The following PDE1C variants were observed in gnomAD, a reference collection of about 807,000 sequenced individuals.
The protein encoded by PDE1C is phosphodiesterase 1C, also known as dual specificity calcium/calmodulin-dependent 3',5'-cyclic nucleotide phosphodiesterase 1C.
Under a neutral mutation model 93.1 loss-of-function variants are expected in PDE1C, and 62 were observed. That is an observed-to-expected ratio of 0.67 (90% CI 0.54 to 0.82). PDE1C has a LOEUF of 0.82. Ranked by LOEUF, PDE1C falls within the 40% of genes least tolerant of loss-of-function variation. The pLI is 0.00. For missense variants in PDE1C, 742 were observed against 884.6 expected, an observed-to-expected ratio of 0.84 and a Z score of 2.04; for synonymous variants, 325 against 310.1, an observed-to-expected ratio of 1.05 and a Z score of -0.50.
At chr7:32,096,951 A>T (rs1797786912) in intron 3 of PDE1C, among the ~76,000 whole-genome samples, 1 of 152,254 alleles carries the variant, frequency 6.6e-6, no homozygotes, top group South Asian at 2.1e-4. Flanking sequence ...AAAATCTGCA[A>T]TGGGCAAACA....
At chr7:32,144,648 A>G (rs1800725579) in intron 3 of PDE1C, among the ~76,000 whole-genome samples, 1 of 152,172 alleles carries the variant, frequency 6.6e-6, no homozygotes, top group Non-Finnish European at 1.5e-5. Context: ...ATGTCCCTAT[A>G]CCTGCTGTGG....
intron 1 of PDE1C, among the ~76,000 whole-genome samples, chr7:32,287,672 G>A (rs1021265045): frequency 2.0e-5 from 3 of 152,220 alleles, no homozygotes; most frequent in African/African-American, 7.2e-5. Context: ...GCAAAGTACG[G>A]GTCCAGAGAA....
At chr7:32,382,529 G>A (rs573873046) in intron 1 of PDE1C, among the ~76,000 whole-genome samples, 5 of 152,188 alleles carry the variant, frequency 3.3e-5, no homozygotes, top group African/African-American at 1.2e-4. Flanking sequence ...TCTTGGCAGA[G>A]CCTGTTCCTG....
chr7:31,642,850 G>T, the PDE1C span: 1 of 1,614,034 alleles, frequency 6.2e-7, no homozygotes, highest in Non-Finnish European at 8.5e-7. Context: ...GAATGCCTTG[G>T]AACAAAGGGC....
At chr7:31,762,412 G>T (rs766318908) in intron 17 of PDE1C, among the ~76,000 whole-genome samples, 3 of 151,946 alleles carry the variant, frequency 2.0e-5, no homozygotes, top group Non-Finnish European at 2.9e-5. Flanking sequence ...GCCATCCCGG[G>T]TCACTGCAAA....
At chr7:32,150,433 T>A (rs931629130) in intron 3 of PDE1C, among the ~76,000 whole-genome samples, 1 of 152,178 alleles carries the variant, frequency 6.6e-6, no homozygotes, top group African/African-American at 2.4e-5. Flanking sequence ...CCTCCCTTTC[T>A]TCAAAGGTCA....
chr7:31,886,791 T>A (rs78758308), intron 2 of PDE1C, among the ~76,000 whole-genome samples: 1 of 4,626 alleles, frequency 2.2e-4, no homozygotes, highest in Non-Finnish European at 9.5e-4. Flanking sequence ...GAATAGATCT[T>A]TTCGGATCTT....
At chr7:32,341,173 C>CTATTTTTTATTTTTTTAT (rs796122014) in intron 1 of PDE1C, among the ~76,000 whole-genome samples, 28 of 84,960 alleles carry the variant, frequency 3.3e-4, no homozygotes, top group South Asian at 3.0e-3. Context: ...GAAATAAAGT[C>CTATTTTTTATTTTTTTAT]TTTTTTTTTT....
At chr7:32,073,435 A>T (rs371359495), upstream of PDE1C, among the ~76,000 whole-genome samples, 4 of 152,226 alleles carry the variant, frequency 2.6e-5, no homozygotes, top group African/African-American at 9.6e-5. Flanking sequence ...AAATAATATA[A>T]GGAACTCAAA....
In PDE1C at chr7:32,030,541, A is replaced by G. The variant is rs533309609; in HGVS notation, c.128+21013T>C. 3.3e-5 allele frequency among the ~76,000 whole-genome samples: 5 copies of G among 152,212 alleles called. No individual in the cohort carries two copies. In the East Asian group the frequency reaches 9.7e-4, roughly 29 times the overall value. ...TCAGTAGGCTTCTACGTACATGTTGATGGGGTTTCAGACACATTACCGCCA... is the reference window on the plus strand; with the variant it reads ...TCAGTAGGCTTCTACGTACATGTTGGTGGGGTTTCAGACACATTACCGCCA... On this transcript the variant is annotated intron_variant, in intron 2 of 17. Transcript: ENST00000396191.
At chr7:31,710,092 T>C in the PDE1C span, among the ~76,000 whole-genome samples, 1,019 of 152,232 alleles carry the variant, frequency 6.7e-3, 10 homozygotes, top group African/African-American at 0.023. Context: ...GAGGCTGCAG[T>C]GAGCTGTGAT....
chr7:32,392,846 C>T (rs921589697), intron 1 of PDE1C, among the ~76,000 whole-genome samples: 1 of 151,770 alleles, frequency 6.6e-6, no homozygotes, highest in Non-Finnish European at 1.5e-5. Flanking sequence ...GTCAGGAGTT[C>T]GAGACCAGGC....
chr7:32,279,762 T>C (rs1811508428), intron 1 of PDE1C, among the ~76,000 whole-genome samples: 1 of 152,080 alleles, frequency 6.6e-6, no homozygotes, highest in Non-Finnish European at 1.5e-5. Context: ...ATCTCCTCTA[T>C]TAAAAATTTT....
At chr7:31,801,567 C>T (rs1382803055) in intron 16 of PDE1C, among the ~76,000 whole-genome samples, 1 of 151,386 alleles carries the variant, frequency 6.6e-6, no homozygotes, top group South Asian at 2.1e-4. Flanking sequence ...ATTTTCATAT[C>T]TACTTAGTCT....
intron 1 of PDE1C, among the ~76,000 whole-genome samples, chr7:32,056,320 T>TTCTCTCTCTCTC (rs10648394): frequency 3.1e-3 from 339 of 111,080 alleles, no homozygotes; most frequent in African/African-American, 0.01. Flanking sequence ...GGGTCCACCG[T>TTCTCTCTCTCTC]TCTCTCTCTC....
chr7:31,697,360 T>C, the PDE1C span, among the ~76,000 whole-genome samples: 1 of 152,166 alleles, frequency 6.6e-6, no homozygotes, highest in African/African-American at 2.4e-5. Context: ...CAGAGCTGGT[T>C]GAATTCACTG....
intron 2 of PDE1C, among the ~76,000 whole-genome samples, chr7:31,963,098 A>AT (rs975333762): frequency 3.3e-5 from 5 of 152,160 alleles, no homozygotes; most frequent in Non-Finnish European, 5.9e-5. Context: ...GAAAATACAC[A>AT]TTTTTTTAAA....
chr7:32,421,711 G>A (rs184490325), intron 1 of PDE1C, among the ~76,000 whole-genome samples: 1 of 152,252 alleles, frequency 6.6e-6, no homozygotes, highest in East Asian at 1.9e-4. Context: ...GTAAAAAGTT[G>A]ATTTAAATTC....
chr7:31,953,186 C>T (rs571867529), intron 2 of PDE1C, among the ~76,000 whole-genome samples: 13 of 152,242 alleles, frequency 8.5e-5, no homozygotes, highest in South Asian at 8.3e-4. Flanking sequence ...CTAATTGTAT[C>T]TTTAACCAAA....
Sources: allele counts gnomAD v4.1 joint callset (sites outside exome capture counted in the v4.1 genomes callset), GRCh38; gene constraint gnomAD v4.1.1; transcripts MANE v1.5; gene names NCBI Gene and HGNC (gene_info 2026-07-23, HGNC 2026-07-21).